The following ZEB1 variants were observed in gnomAD, a reference collection of about 807,000 sequenced individuals.
ZEB1 encodes zinc finger E-box binding homeobox 1, also known as zinc finger E-box-binding homeobox 1.
In ZEB1, 21 loss-of-function variants were observed where a neutral mutation model predicts 84.9. The ratio of observed to expected loss-of-function variants is 0.25; its 90% CI spans 0.18 to 0.36. ZEB1 has a LOEUF of 0.36. ZEB1 is among the 10% of genes least tolerant of loss of function. The probability of loss-of-function intolerance (pLI) is 1.00; values close to 1 mark genes in which losing one functional copy is unlikely to be tolerated. For missense variants in ZEB1, 1,104 were observed against 1,330.2 expected (o/e 0.83, Z 2.65); for synonymous variants, 420 against 471.1 (o/e 0.89, Z 1.41).
At chr10:31,468,627 A>G (rs1429501649) in intron 2 of ZEB1, among the ~76,000 whole-genome samples, 1 of 152,160 alleles carries the variant, frequency 6.6e-6, no homozygotes, top group Non-Finnish European at 1.5e-5. Context: ...ACTACAAACA[A>G]TTAACATTTG....
chr10:31,356,212 T>C (rs897749328), intron 1 of ZEB1, among the ~76,000 whole-genome samples: 28 of 152,218 alleles, frequency 1.8e-4, no homozygotes, highest in African/African-American at 6.3e-4. Context: ...AAAAAATAAT[T>C]TTTGAATTGT....
rs747043615 is a variant in ZEB1, at chr10:31,521,852, C to G, written c.2520C>G (p.Pro840=). ...CCAATAAGCAAACGATTCTGATTCC[C>G]CAGGTGGCATACACCTACTCAACTA... is the stretch of plus-strand genomic sequence containing the variant. ...LAANKQTILI[P]QVAYTYSTTV... The change falls in exon 7 of 9, where the codon CCC becomes CCG. Residue 840 remains proline (P), a synonymous_variant. Transcript: ENST00000424869. 6.2e-7 allele frequency: 1 copy of G among 1,613,866 alleles called. No homozygotes were observed. Among genetic ancestry groups the G allele is most frequent in the Admixed American group, 1.7e-5 (1 of 59,994 alleles).
rs1360435166 is a variant in ZEB1 at position 31,521,359 on chromosome 10, T to A, written c.2027T>A (p.Val676Glu). 2.8e-5 allele frequency: 45 copies of A among 1,614,088 alleles called. No individual in the cohort carries two copies. The highest frequency in any genetic ancestry group is 3.6e-5 in the Non-Finnish European group (42 of 1,180,002). The change falls in exon 7 of 9, where the codon GTA becomes GAA. Residue 676 changes from valine to glutamate, a missense_variant. Val to Glu is a moderately radical substitution (Grantham distance 121, BLOSUM62 -2). Coordinates refer to ENST00000424869, the MANE Select transcript of ZEB1 (RefSeq NM_001174096.2). The part of the protein sequence containing the change: ...ANANEPQDST[V>E]NLQSPLKMTN... ...GCAAATGAACCCCAGGACAGCACAG[T>A]AAATCTACAAAGTCCTTTGAAGATG...
chr10:31,450,156 G>T (rs2060375966), intron 1 of ZEB1, among the ~76,000 whole-genome samples: 2 of 152,174 alleles, frequency 1.3e-5, no homozygotes, highest in South Asian at 4.1e-4. Flanking sequence ...AAAAATTTAG[G>T]TAGAATTGAC....
intron 1 of ZEB1, among the ~76,000 whole-genome samples, chr10:31,458,043 G>A (rs2061435487): frequency 6.6e-6 from 1 of 152,092 alleles, no homozygotes; most frequent in African/African-American, 2.4e-5. Flanking sequence ...TCGCAAAACA[G>A]CAGGAATGTC....
At chr10:31,363,546 G>T (rs2043789072) in intron 1 of ZEB1, 2 of 1,527,944 alleles carry the variant, frequency 1.3e-6, no homozygotes, top group Admixed American at 3.9e-5. Flanking sequence ...CCTGCCCCTG[G>T]GTCTCTACCT....
chr10:31,505,819 C>G lies in ZEB1; in HGVS notation c.484+3310C>G, dbSNP rs79794880. ...TAGGGTTTGCTTTGTTCTTGCTTTT[C>G]TAAGTTCTTGAGGCACATTGTTAGA... On this transcript the variant is annotated intron_variant, in intron 4 of 8. Transcript: ENST00000424869. 1.4e-3 allele frequency among the ~76,000 whole-genome samples: 207 copies of G among 151,370 alleles called. 1 individual carries two copies. The highest frequency in any genetic ancestry group is 4.7e-3 in the African/African-American group (195 of 41,434).
rs574029865 is a variant in ZEB1 at position 31,474,012 on chromosome 10, C to G, written c.259+12775C>G. On this transcript the variant is annotated intron_variant, in intron 2 of 8. Coordinates refer to ENST00000424869, the MANE Select transcript of ZEB1 (RefSeq NM_001174096.2). ...TGGGAAAACCGGCTAGCCATATGTA[C>G]AAAGCTGAAACTGGATCCCTTCCTT... Among the ~76,000 whole-genome samples the G allele has an allele frequency of 3.8e-3, 580 of 152,188 alleles. 3 individuals carry two copies. The highest frequency in any genetic ancestry group is 0.025 in the South Asian group (120 of 4,816).
intron 1 of ZEB1, among the ~76,000 whole-genome samples, chr10:31,442,896 T>C (rs2059206539): frequency 6.6e-6 from 1 of 152,120 alleles, no homozygotes; most frequent in African/African-American, 2.4e-5. Context: ...AGTGTTGTAA[T>C]TGGAGTAATT....
At chr10:31,513,457 G>A (rs910587541) in intron 5 of ZEB1, among the ~76,000 whole-genome samples, 2 of 152,170 alleles carry the variant, frequency 1.3e-5, no homozygotes, top group Non-Finnish European at 1.5e-5. Flanking sequence ...ATAAGCAGTT[G>A]GTTGTAAAAG....
intron 4 of ZEB1, among the ~76,000 whole-genome samples, chr10:31,509,075 CA>C (rs1339361575): frequency 6.6e-6 from 1 of 152,104 alleles, no homozygotes; most frequent in Non-Finnish European, 1.5e-5. Flanking sequence ...TTAGCAGCCG[CA>C]ACCAGCATTA....
intron 5 of ZEB1, among the ~76,000 whole-genome samples, chr10:31,514,038 T>C (rs774163586): frequency 9.2e-5 from 14 of 152,080 alleles, no homozygotes; most frequent in Non-Finnish European, 1.9e-4. Flanking sequence ...AAAGCTATTA[T>C]AATAATCCAC....
At chr10:31,343,883 G>A (rs1041823551) in intron 1 of ZEB1, among the ~76,000 whole-genome samples, 6 of 152,068 alleles carry the variant, frequency 3.9e-5, no homozygotes, top group African/African-American at 9.7e-5. Context: ...TGTGTGTTTC[G>A]ATGTTTTTAC....
chr10:31,510,933 A>T (rs569012653), intron 5 of ZEB1, 58 bp downstream of exon 5: 1 of 1,490,030 alleles, frequency 6.7e-7, no homozygotes, highest in Non-Finnish European at 9.3e-7. Flanking sequence ...TCAGCCCTCA[A>T]TGGAAGGCAA....
At chr10:31,509,016 C>A (rs563977527) in intron 4 of ZEB1, among the ~76,000 whole-genome samples, 3 of 152,216 alleles carry the variant, frequency 2.0e-5, no homozygotes, top group African/African-American at 7.2e-5. Context: ...GTGTGCAGCT[C>A]CTCTGCTGGG....
Position 31,461,087 on chromosome 10 carries a change from G to C in ZEB1, c.109G>C (p.Asp37His). The change falls in exon 2 of 9, where the codon GAC becomes CAC. Residue 37 changes from aspartate to histidine, a missense_variant. Transcript: ENST00000424869. Reference protein sequence around the residue: ...VETNSDSDDEDKLHIVEEESV... With the variant: ...VETNSDSDDEHKLHIVEEESV... ...AACAAATTCAGATTCAGATGATGAA[G>C]ACAAACTGCATATTGTGGAAGAAGA... The C allele has an allele frequency of 1.2e-6, 2 of 1,613,320 alleles. No individual in the cohort carries two copies. Among genetic ancestry groups the C allele is most frequent in the Non-Finnish European group, 1.7e-6 (2 of 1,179,626 alleles).
intron 1 of ZEB1, among the ~76,000 whole-genome samples, chr10:31,380,645 G>C (rs2047459135): frequency 6.6e-6 from 1 of 151,890 alleles, no homozygotes; most frequent in Non-Finnish European, 1.5e-5. Flanking sequence ...AAATTCTTCT[G>C]TAAGAAGAAG....
chr10:31,354,012 T>C (rs1016095381), intron 1 of ZEB1, among the ~76,000 whole-genome samples: 1 of 152,188 alleles, frequency 6.6e-6, no homozygotes, highest in South Asian at 2.1e-4. Context: ...TTTTGGATGC[T>C]AGTGATTAGA....
chr10:31,370,754 G>A (rs1262983513), intron 1 of ZEB1, among the ~76,000 whole-genome samples: 1 of 152,192 alleles, frequency 6.6e-6, no homozygotes, highest in Non-Finnish European at 1.5e-5. Context: ...AGTAAAAGGA[G>A]CATCTGTGGT....
Sources: gnomAD v4.1 joint callset for allele counts (sites outside exome capture counted in the v4.1 genomes callset) on GRCh38, gnomAD v4.1.1 for gene constraint, MANE v1.5 for transcripts, NCBI Gene and HGNC (gene_info 2026-07-23, HGNC 2026-07-21) for gene names.